Variants in CNTN5 observed in about 807,000 individuals in gnomAD.
CNTN5 encodes the protein contactin-5.
In CNTN5, 77 loss-of-function variants were observed where a neutral mutation model predicts 129.1. The ratio of observed to expected loss-of-function variants is 0.60; its 90% confidence interval spans 0.50 to 0.72. The LOEUF is 0.72. Ranked by LOEUF, CNTN5 falls within the 30% of genes least tolerant of loss-of-function variation. CNTN5 has a pLI of 0.00. For missense variants in CNTN5, 1,478 were observed against 1,328.8 expected (o/e 1.11, Z -1.75); for synonymous variants, 509 against 465.6 (o/e 1.09, Z -1.20).
At chr11:99,168,381 C>T (rs1860983226) in intron 1 of CNTN5, among the ~76,000 whole-genome samples, 1 of 152,062 alleles carries the variant, frequency 6.6e-6, no homozygotes, top group African/African-American at 2.4e-5. Flanking sequence ...AGTTCGAGAC[C>T]AGCCTGGCCA....
At chr11:99,183,577 T>C (rs1858191561) in intron 1 of CNTN5, among the ~76,000 whole-genome samples, 1 of 152,134 alleles carries the variant, frequency 6.6e-6, no homozygotes, top group African/African-American at 2.4e-5. Flanking sequence ...TCTGGGTATT[T>C]CTTTTTACCT....
chr11:99,348,152 A>T (rs951949894), intron 2 of CNTN5, among the ~76,000 whole-genome samples: 6 of 152,176 alleles, frequency 3.9e-5, no homozygotes, highest in African/African-American at 1.4e-4. Flanking sequence ...ATCCTGGCTA[A>T]CATGGTGAAA....
chr11:99,427,143 G>C (rs1367082493), intron 2 of CNTN5, among the ~76,000 whole-genome samples: 1 of 152,160 alleles, frequency 6.6e-6, no homozygotes, highest in Non-Finnish European at 1.5e-5. Flanking sequence ...CAAAACTATT[G>C]AAAAGAGTAC....
At chr11:99,507,384 A>AAAAG (rs1275249650) in intron 2 of CNTN5, among the ~76,000 whole-genome samples, 1 of 151,218 alleles carries the variant, frequency 6.6e-6, no homozygotes, top group African/African-American at 2.4e-5. Flanking sequence ...TCAAAAAAAA[A>AAAAG]AAAAAAAAAA....
intron 3 of CNTN5, among the ~76,000 whole-genome samples, chr11:99,796,988 G>A (rs972119457): frequency 6.6e-6 from 1 of 151,986 alleles, no homozygotes; most frequent in Non-Finnish European, 1.5e-5. Context: ...GTCTTTGGGT[G>A]CCAGGAATGA....
intron 3 of CNTN5, among the ~76,000 whole-genome samples, chr11:99,810,880 T>G (rs1162110598): frequency 6.6e-6 from 1 of 152,036 alleles, no homozygotes; most frequent in African/African-American, 2.4e-5. Flanking sequence ...ATGTCTTCTG[T>G]TTTTTTCTGT....
chr11:99,169,317 T>C (rs1357943948), intron 1 of CNTN5, among the ~76,000 whole-genome samples: 1 of 152,122 alleles, frequency 6.6e-6, no homozygotes, highest in Non-Finnish European at 1.5e-5. Context: ...TGCTATTTTA[T>C]AGTCATGACT....
intron 2 of CNTN5, among the ~76,000 whole-genome samples, chr11:99,510,124 C>A (rs1946779771): frequency 6.6e-6 from 1 of 151,848 alleles, no homozygotes; most frequent in African/African-American, 2.4e-5. Context: ...TATATTTTAG[C>A]CTTTATAATT....
At chr11:100,143,526 G>T (rs925329432) in intron 13 of CNTN5, among the ~76,000 whole-genome samples, 1 of 152,086 alleles carries the variant, frequency 6.6e-6, no homozygotes, top group Non-Finnish European at 1.5e-5. Flanking sequence ...GACTCCACCT[G>T]TGCAGGTCTG....
chr11:99,403,532 C>T (rs557183994), intron 2 of CNTN5, among the ~76,000 whole-genome samples: 4 of 152,150 alleles, frequency 2.6e-5, no homozygotes, highest in African/African-American at 7.2e-5. Context: ...TGCTCTGTCC[C>T]ATAGGTTTTG....
At chr11:100,094,506 C>A (rs771039281) in intron 13 of CNTN5, among the ~76,000 whole-genome samples, 22 of 151,998 alleles carry the variant, frequency 1.4e-4, no homozygotes, top group Admixed American at 2.6e-4. Flanking sequence ...TGTTATCAAA[C>A]GTTTAAATAA....
intron 3 of CNTN5, among the ~76,000 whole-genome samples, chr11:99,795,949 T>G (rs1945922358): frequency 6.6e-6 from 1 of 152,214 alleles, no homozygotes; most frequent in Non-Finnish European, 1.5e-5. Flanking sequence ...GGATCTGTCC[T>G]CATTCCCACA....
chr11:99,572,152 A>G (rs1949194997), intron 3 of CNTN5, among the ~76,000 whole-genome samples: 2 of 152,198 alleles, frequency 1.3e-5, no homozygotes, highest in African/African-American at 2.4e-5. Context: ...ACTTATTTTC[A>G]GAGATGTAAA....
chr11:99,935,017 T>C (rs1315731651), intron 7 of CNTN5, among the ~76,000 whole-genome samples: 1 of 148,472 alleles, frequency 6.7e-6, no homozygotes, highest in African/African-American at 2.5e-5. Flanking sequence ...GAAAAAGTAC[T>C]AATATCTAGA....
intron 1 of CNTN5, among the ~76,000 whole-genome samples, chr11:99,261,959 T>C (rs1284775706): frequency 6.6e-6 from 1 of 151,806 alleles, no homozygotes; most frequent in Non-Finnish European, 1.5e-5. Flanking sequence ...ACCAAAGGAG[T>C]CTCTAAGGAT....
At chr11:99,154,271 C>T (rs1186696643) in intron 1 of CNTN5, among the ~76,000 whole-genome samples, 1 of 152,172 alleles carries the variant, frequency 6.6e-6, no homozygotes, top group Admixed American at 6.5e-5. Flanking sequence ...TCCATGCTTG[C>T]ACTTGCACCA....
intron 13 of CNTN5, among the ~76,000 whole-genome samples, chr11:100,176,957 G>C (rs1392967784): frequency 6.6e-6 from 1 of 151,850 alleles, no homozygotes; most frequent in Admixed American, 6.6e-5. Context: ...TCCCAGCACA[G>C]AGCAGGAAAT....
intron 3 of CNTN5, among the ~76,000 whole-genome samples, chr11:99,568,020 A>G (rs1949062830): frequency 6.6e-6 from 1 of 152,226 alleles, no homozygotes; most frequent in Non-Finnish European, 1.5e-5. Context: ...GAGAAATAAG[A>G]GCAAATTTGT....
intron 4 of CNTN5, among the ~76,000 whole-genome samples, chr11:99,839,655 A>G (rs999112837): frequency 6.6e-6 from 1 of 152,152 alleles, no homozygotes; most frequent in Non-Finnish European, 1.5e-5. Context: ...AAGAAGCAAT[A>G]TAAGAAACCA....
Sources: gnomAD v4.1 joint callset for allele counts (sites outside exome capture counted in the v4.1 genomes callset) on GRCh38, gnomAD v4.1.1 for gene constraint, MANE v1.5 for transcripts, NCBI Gene and HGNC (gene_info 2026-07-23, HGNC 2026-07-21) for gene names.